RIOX2: variants seen among roughly 807,000 people sequenced by gnomAD.
The protein encoded by RIOX2 is ribosomal oxygenase 2.
RIOX2 carries 43 observed loss-of-function variants against 51.2 expected under a neutral mutation model. The observed-to-expected ratio is 0.84, with a 90% CI of 0.66 to 1.08. The LOEUF is 1.08. Among genes scored for constraint, RIOX2 ranks in the 50% least tolerant of loss-of-function variants. The pLI, the probability that RIOX2 is intolerant of heterozygous loss-of-function variation, is 0.00. For synonymous variants in RIOX2, 226 were observed against 218.5 expected (o/e 1.03, Z -0.30); for missense variants, 566 against 561.7 (o/e 1.01, Z -0.08).
chr3:97,954,280 G>T, intron 5 of RIOX2, 112 bp downstream of exon 5: 1 of 724,298 alleles, frequency 1.4e-6, no homozygotes, highest in African/African-American at 1.7e-5. Context: ...CATAAACCCT[G>T]GGGTTTGCAT....
intron 1 of RIOX2, among the ~76,000 whole-genome samples, chr3:97,970,855 A>T (rs1044916710): frequency 6.6e-6 from 1 of 152,210 alleles, no homozygotes; most frequent in African/African-American, 2.4e-5. Context: ...CTATATTTTA[A>T]AGGTACCCTA....
intron 4 of RIOX2, among the ~76,000 whole-genome samples, chr3:97,955,802 T>C (rs921512007): frequency 6.6e-6 from 1 of 152,162 alleles, no homozygotes; most frequent in Non-Finnish European, 1.5e-5. Flanking sequence ...CTAGGTAGTA[T>C]AGTGTACTAC....
chr3:97,943,149 A>G lies in RIOX2; in HGVS notation c.*2035T>C. On this transcript the variant is annotated 3_prime_UTR_variant, in exon 10 of 10. Coordinates refer to ENST00000394198, the MANE Select transcript of RIOX2 (RefSeq NM_153182.4). ...CATCCACCGAAATGGTGAGCTGAAC[A>G]GAAGCTTGTGAAAATTGTGAAATTG... 2 of 790,794 alleles carry G rather than the reference A, an allele frequency of 2.5e-6. No individual in the cohort carries two copies. The highest frequency in any genetic ancestry group is 4.3e-6 in the Non-Finnish European group (2 of 469,230). 49.0% of individuals were successfully genotyped at this position (790,794 alleles called of 1,614,324 possible).
At chr3:97,964,527 T>TAA (rs1169735111) in intron 2 of RIOX2, among the ~76,000 whole-genome samples, 1 of 141,900 alleles carries the variant, frequency 7.0e-6, no homozygotes, top group Admixed American at 7.1e-5. Context: ...CCATCTCTAC[T>TAA]AAAAAAAAAA....
chr3:97,958,938 A>G (rs1705557369), intron 4 of RIOX2, 113 bp downstream of exon 4: 1 of 1,216,616 alleles, frequency 8.2e-7, no homozygotes, highest in Admixed American at 2.7e-5. Context: ...CCAGGGATAT[A>G]TTCCCACGGG....
intron 5 of RIOX2, chr3:97,954,066 AAG>A (rs1046228803): frequency 8.3e-5 from 19 of 228,940 alleles, no homozygotes; most frequent in African/African-American, 3.1e-4. Context: ...ATTAAAAAAA[AAG>A]AGAGAGAGTA....
At chr3:97,954,522 A>C (rs1705384698) in intron 4 of RIOX2, 27 bp from the exon 5 acceptor site, 1 of 1,575,566 alleles carries the variant, frequency 6.3e-7, no homozygotes, top group African/African-American at 1.3e-5. Context: ...GAAAGGGTAG[A>C]GAAGTTAATA....
rs1445961704 is a variant in RIOX2 at position 97,945,075 on chromosome 3, G to C, written c.*109C>G. 3 of 974,594 alleles carry C rather than the reference G, an allele frequency of 3.1e-6. No individual in the cohort carries two copies. The highest frequency in any genetic ancestry group is 4.4e-6 in the Non-Finnish European group (3 of 682,852). The allele number at this position is 974,594 out of a possible 1,614,324, so 60.4% of individuals were successfully genotyped here. ...TAACAGGGAGGTCTCATGTTTGTTA[G>C]TAGATACGCAGGTAAGGAAACTTGA... On this transcript the variant is annotated 3_prime_UTR_variant, in exon 10 of 10. Transcript: ENST00000394198.
chr3:97,962,746 C>T (rs1276474806), intron 2 of RIOX2, among the ~76,000 whole-genome samples: 1 of 152,294 alleles, frequency 6.6e-6, no homozygotes, highest in Non-Finnish European at 1.5e-5. Flanking sequence ...AATTATGCAA[C>T]CCTCACAATA....
intron 3 of RIOX2, 85 bp from the exon 4 acceptor site, chr3:97,959,264 G>A: frequency 7.4e-6 from 10 of 1,351,136 alleles, no homozygotes; most frequent in East Asian, 2.6e-5. Context: ...GCCCTCTAAG[G>A]GGCTAATAGA....
chr3:97,946,340 G>A (rs1296288539), intron 8 of RIOX2, among the ~76,000 whole-genome samples: 1 of 151,696 alleles, frequency 6.6e-6, no homozygotes, highest in Admixed American at 6.6e-5. Context: ...AGAAATACCA[G>A]CTGTGTGATC....
chr3:97,972,379 A>T lies in RIOX2; in HGVS notation c.-40+2T>A, dbSNP rs1454627624. On this transcript the variant is annotated splice_donor_variant, in intron 1 of 9. Transcript: ENST00000394198. LOFTEE classifies it low-confidence loss of function (5UTR_SPLICE). ...GGATGCCCACGAGAGCGCCCCACTC[A>T]CCCGGCACGGCCTGTTGCTCGCGGC... is the stretch of plus-strand genomic sequence containing the variant. 3.3e-5 allele frequency: 5 copies of T among 149,304 alleles called. No individual in the cohort carries two copies. The highest frequency in any genetic ancestry group is 1.2e-4 in the African/African-American group (5 of 40,734). The allele number at this position is 149,304 out of a possible 1,614,324, so 9.2% of individuals were successfully genotyped here.
intron 4 of RIOX2, among the ~76,000 whole-genome samples, chr3:97,958,420 A>G (rs1248389111): frequency 2.6e-5 from 4 of 152,176 alleles, no homozygotes; most frequent in African/African-American, 7.2e-5. Context: ...CTATGTTCCC[A>G]TCGATGTTAA....
At chr3:97,947,544 A>G (rs2040395044) in intron 7 of RIOX2, 95 bp from the exon 8 acceptor site, 1 of 918,836 alleles carries the variant, frequency 1.1e-6, no homozygotes, top group East Asian at 2.4e-5. Context: ...ACATTTACTA[A>G]CAATTTACAG....
At chr3:97,963,774 A>G (rs1183694695) in intron 2 of RIOX2, among the ~76,000 whole-genome samples, 7 of 152,180 alleles carry the variant, frequency 4.6e-5, no homozygotes, top group Non-Finnish European at 8.8e-5. Flanking sequence ...AATGCTATCA[A>G]TGGCACAATT....
chr3:97,959,051 C>T lies in RIOX2; in HGVS notation c.681G>A (p.Lys227=). 6.2e-7 allele frequency: 1 copy of T among 1,609,350 alleles called. No homozygotes were observed. Among genetic ancestry groups the T allele is most frequent in the Non-Finnish European group, 8.5e-7 (1 of 1,177,646 alleles). The change falls in exon 4 of 10, where the codon AAG becomes AAA. Residue 227 remains lysine, a splice_region_variant and synonymous_variant. Transcript: ENST00000394198. ...IGRPVHEFML[K]PGDLLYFPRG... ...GGTGCCCACAACGGTTATCACATAC[C>T]TTCAGCATAAACTCATGCACCGGCC...
intron 3 of RIOX2, 127 bp from the exon 4 acceptor site, chr3:97,959,306 G>GTTT (rs67345115): frequency 9.3e-3 from 2,185 of 235,840 alleles, no homozygotes; most frequent in South Asian, 0.018. Flanking sequence ...AACAACACAG[G>GTTT]TTTTTTTTTT....
intron 4 of RIOX2, among the ~76,000 whole-genome samples, chr3:97,958,491 A>G (rs759913708): frequency 1.4e-4 from 22 of 152,210 alleles, no homozygotes; most frequent in Non-Finnish European, 2.9e-4. Context: ...TGATTAAGCC[A>G]CCTGAATCCC....
At chr3:97,971,865 A>G (rs1706146625) in intron 1 of RIOX2, 1 of 152,342 alleles carries the variant, frequency 6.6e-6, no homozygotes, top group Admixed American at 6.5e-5. Context: ...TTGCTGGTAA[A>G]TGAATTGGAA....
Sources: allele counts gnomAD v4.1 joint callset (sites outside exome capture counted in the v4.1 genomes callset), GRCh38; gene constraint gnomAD v4.1.1; transcripts MANE v1.5; gene names NCBI Gene and HGNC (gene_info 2026-07-23, HGNC 2026-07-21).